Variants in TET3 observed in about 807,000 individuals in gnomAD.
TET3 encodes tet methylcytosine dioxygenase 3, also known as methylcytosine dioxygenase TET3.
Under a neutral mutation model 141.4 loss-of-function variants are expected in TET3, and 19 were observed. The observed-to-expected ratio is 0.13, with a 90% CI of 0.09 to 0.20. The LOEUF (loss-of-function observed/expected upper bound fraction) is 0.20, where lower values mean the gene tolerates loss of function less well. TET3 is among the 10% of genes least tolerant of loss of function. TET3 has a pLI of 1.00. For synonymous variants in TET3, 1,043 were observed against 980.9 expected (o/e 1.06, Z -1.18); for missense variants, 1,874 against 2,356.9 (o/e 0.80, Z 4.24).
intron 2 of TET3, chr2:73,993,675 AT>A: frequency 6.6e-6 from 1 of 152,170 alleles, no homozygotes; most frequent in East Asian, 1.9e-4. Context: ...TTCTTCTGGC[AT>A]TTGTTTCCTT....
chr2:74,074,495 T>TG (rs1231795573), intron 5 of TET3, among the ~76,000 whole-genome samples: 4 of 152,208 alleles, frequency 2.6e-5, no homozygotes, highest in Non-Finnish European at 5.9e-5. Flanking sequence ...TTCATGCAGA[T>TG]GGAGACTTGG....
chr2:74,127,216 GT>G, the TET3 span, among the ~76,000 whole-genome samples: 3 of 152,204 alleles, frequency 2.0e-5, no homozygotes, highest in African/African-American at 7.2e-5. Context: ...GATGACCTCT[GT>G]TTCAAGGTTC....
the TET3 span, among the ~76,000 whole-genome samples, chr2:74,119,912 C>T: frequency 6.6e-6 from 1 of 152,296 alleles, no homozygotes; most frequent in East Asian, 1.9e-4. Context: ...GTTTTAAATA[C>T]TTGTCAAATT....
intron 3 of TET3, among the ~76,000 whole-genome samples, chr2:74,036,846 A>G (rs922279541): frequency 6.6e-6 from 1 of 152,192 alleles, no homozygotes; most frequent in African/African-American, 2.4e-5. Flanking sequence ...CTTCTGCCAG[A>G]TATGATGACC....
intron 10 of TET3, among the ~76,000 whole-genome samples, chr2:74,095,024 G>C (rs1199194823): frequency 6.6e-6 from 1 of 152,146 alleles, no homozygotes; most frequent in Non-Finnish European, 1.5e-5. Flanking sequence ...TTTGGACTTG[G>C]TTAGGGGCTT....
At chr2:73,991,468 A>G (rs1216228327) in intron 2 of TET3, among the ~76,000 whole-genome samples, 1 of 152,078 alleles carries the variant, frequency 6.6e-6, no homozygotes, top group African/African-American at 2.4e-5. Flanking sequence ...CTGTAATCCC[A>G]GCTCCTGAGG....
chr2:74,099,509 A>T lies in TET3; in HGVS notation c.3501A>T (p.Arg1167Ser). ...GCCGCCAGCGGCAGCTGGAAGCCAG[A>T]AAGGCAGCAGCCGAGAAGAAGAAGA... ...KSCRQRQLEA[R>S]KAAAEKKKIQ... Residue 1167 changes from arginine to serine, a missense_variant, in exon 11 of 12, where the codon AGA (arginine) becomes AGT (serine). Coordinates refer to ENST00000409262, the MANE Select transcript of TET3 (RefSeq NM_001287491.2). 6.2e-7 allele frequency: 1 copy of T among 1,613,426 alleles called. No individual in the cohort carries two copies. Among genetic ancestry groups the T allele is most frequent in the Non-Finnish European group, 8.5e-7 (1 of 1,179,704 alleles).
chr2:74,062,925 C>T (rs188339610), intron 4 of TET3, among the ~76,000 whole-genome samples: 1 of 145,022 alleles, frequency 6.9e-6, no homozygotes. Context: ...ACTCTGTCAC[C>T]CAGGCTGGAG....
chr2:73,994,898 A>T (rs968209643), intron 2 of TET3, among the ~76,000 whole-genome samples: 2 of 151,248 alleles, frequency 1.3e-5, no homozygotes, highest in African/African-American at 2.4e-5. Context: ...TAGCCTCCCA[A>T]AGCACTGGGA....
the TET3 span, among the ~76,000 whole-genome samples, chr2:74,120,319 C>A: frequency 1.1e-4 from 17 of 152,350 alleles, no homozygotes; most frequent in East Asian, 3.1e-3. Context: ...GACCTCTCGG[C>A]AAGACTTTCC....
intron 3 of TET3, among the ~76,000 whole-genome samples, chr2:74,029,429 G>A (rs1348111891): frequency 1.3e-5 from 2 of 152,156 alleles, no homozygotes; most frequent in Non-Finnish European, 2.9e-5. Context: ...GGGGCCCTGT[G>A]TGTGCTATAT....
At chr2:74,035,056 G>T (rs575827626) in intron 3 of TET3, among the ~76,000 whole-genome samples, 1 of 148,020 alleles carries the variant, frequency 6.8e-6, no homozygotes, top group South Asian at 2.1e-4. Context: ...AAAAAAATCA[G>T]CCAGGTATGG....
At chr2:74,115,650 G>A in the TET3 span, among the ~76,000 whole-genome samples, 1 of 152,064 alleles carries the variant, frequency 6.6e-6, no homozygotes, top group South Asian at 2.1e-4. Context: ...TGTTGAAGAT[G>A]ATTCAATGGA....
At chr2:73,989,008 T>G (rs574205024) in intron 2 of TET3, among the ~76,000 whole-genome samples, 3 of 149,862 alleles carry the variant, frequency 2.0e-5, no homozygotes, top group African/African-American at 4.9e-5. Flanking sequence ...TGTTTTTTTT[T>G]TTTTTTGGTC....
chr2:74,010,157 G>A (rs774037549), intron 3 of TET3, among the ~76,000 whole-genome samples: 69 of 152,204 alleles, frequency 4.5e-4, no homozygotes, highest in Non-Finnish European at 7.9e-4. Flanking sequence ...TTGGAGCGGC[G>A]TGTGTCTTAG....
At chr2:74,012,505 G>T (rs576235647) in intron 3 of TET3, among the ~76,000 whole-genome samples, 1 of 152,292 alleles carries the variant, frequency 6.6e-6, no homozygotes, top group South Asian at 2.1e-4. Flanking sequence ...GGTGGTAGCA[G>T]CCCCACCTTT....
intron 3 of TET3, among the ~76,000 whole-genome samples, chr2:74,034,739 A>T (rs570255884): frequency 6.6e-6 from 1 of 152,162 alleles, no homozygotes; most frequent in Admixed American, 6.5e-5. Context: ...GCTGCCATGA[A>T]AATTTCTGTA....
chr2:73,985,380 C>T (rs1420519224), intron 1 of TET3, among the ~76,000 whole-genome samples: 2 of 143,658 alleles, frequency 1.4e-5, no homozygotes, highest in African/African-American at 5.0e-5. Flanking sequence ...AGCGGAGTGG[C>T]GGAGGCCCCA....
rs1055838897 is a variant in TET3, at chr2:74,105,225, C to G, written c.*3049C>G. The G allele has an allele frequency of 5.0e-6, 2 of 398,414 alleles. No individual in the cohort carries two copies. Among genetic ancestry groups the G allele is most frequent in the Non-Finnish European group, 8.8e-6 (2 of 226,072 alleles). 24.7% of individuals were successfully genotyped at this position (398,414 alleles called of 1,614,324 possible). On this transcript the variant is annotated 3_prime_UTR_variant, in exon 12 of 12. Coordinates refer to ENST00000409262, the MANE Select transcript of TET3 (RefSeq NM_001287491.2). ...AGTTCGAAGAGTCATATTATAGCAA[C>G]GGAAATCGATGGCGTCTTAGTCATC... is the stretch of plus-strand genomic sequence containing the variant.
Sources: allele counts gnomAD v4.1 joint callset (sites outside exome capture counted in the v4.1 genomes callset), GRCh38; gene constraint gnomAD v4.1.1; transcripts MANE v1.5; gene names NCBI Gene and HGNC (gene_info 2026-07-23, HGNC 2026-07-21).